AGO3: variants seen among roughly 807,000 people sequenced by gnomAD.
The protein encoded by AGO3 is protein argonaute-3.
AGO3 carries 16 observed loss-of-function variants against 105.5 expected under a neutral mutation model. That is an observed-to-expected ratio of 0.15 (90% CI 0.10 to 0.23). The LOEUF (loss-of-function observed/expected upper bound fraction) is 0.23, where lower values mean the gene tolerates loss of function less well. Among genes scored for constraint, AGO3 ranks in the 10% least tolerant of loss-of-function variants. The pLI is 1.00. For missense variants in AGO3, 534 were observed against 1,088.0 expected (o/e 0.49, Z 7.16); for synonymous variants, 340 against 367.3 (o/e 0.93, Z 0.85).
chr1:36,003,084 T>C (rs1026346452), intron 5 of AGO3, among the ~76,000 whole-genome samples: 1 of 150,600 alleles, frequency 6.6e-6, no homozygotes, highest in African/African-American at 2.4e-5. Context: ...AATAAATAAA[T>C]AGATAAATAG....
At position 35,967,027 on chromosome 1, in the gene AGO3, A is replaced by G; in HGVS notation, c.264A>G (p.Gly88=). 6.2e-7 allele frequency: 1 copy of G among 1,613,808 alleles called. No individual in the cohort carries two copies. Among genetic ancestry groups the G allele is most frequent in the Non-Finnish European group, 8.5e-7 (1 of 1,179,870 alleles). Residue 88 remains glycine, a synonymous_variant, in exon 3 of 19, where the codon GGA becomes GGG. Coordinates refer to ENST00000373191, the MANE Select transcript of AGO3 (RefSeq NM_024852.4). ...IFGDRRPVYD[G]KRSLYTANPL... ...GAGACCGTAGACCAGTTTATGATGG[A>G]AAAAGAAGTCTTTACACCGCCAATC...
In AGO3 at chr1:35,945,124, C is replaced by T. The variant is rs111793527; in HGVS notation, c.20-568C>T. ...GCCATGCTTGGCCTGAGATACTTAC[C>T]TTGTCAAATAATCAAATAATTGATT... On this transcript the variant is annotated intron_variant, in intron 1 of 18. Transcript: ENST00000373191. Among the ~76,000 whole-genome samples, 1,416 of 152,232 alleles carry T rather than the reference C, an allele frequency of 9.3e-3. 24 individuals are homozygous for T. The highest frequency in any genetic ancestry group is 0.032 in the African/African-American group (1,324 of 41,544).
rs1643120384 is a variant in AGO3, at chr1:36,068,315, A to G, written c.*12570A>G. 6.6e-6 allele frequency: 1 copy of G among 152,216 alleles called. No homozygotes were observed. The highest frequency in any genetic ancestry group is 1.5e-5 in the Non-Finnish European group (1 of 68,040). 9.4% of individuals were successfully genotyped at this position (152,216 alleles called of 1,614,324 possible). A position where few individuals can be genotyped will look rare whatever the true frequency, so the allele number is the denominator to read the frequency against. On this transcript the variant is annotated 3_prime_UTR_variant, in exon 19 of 19. Transcript: ENST00000373191. Reference sequence around the variant, plus strand: ...AATTTTTTGCTGGCTATAGAATGCTAATGTGAACAGAGTATATATCAGGAA... The same window carrying G: ...AATTTTTTGCTGGCTATAGAATGCTGATGTGAACAGAGTATATATCAGGAA...
At chr1:36,054,610 G>A (rs1358506222) in intron 17 of AGO3, among the ~76,000 whole-genome samples, 6 of 152,182 alleles carry the variant, frequency 3.9e-5, no homozygotes, top group Admixed American at 3.9e-4. Context: ...GCTCAGCACA[G>A]TAGCTCACGC....
At position 36,009,455 on chromosome 1, in the gene AGO3, A is replaced by G. The variant is rs1489844668; in HGVS notation, c.1030-20A>G. On this transcript the variant is annotated intron_variant, in intron 8 of 18. Transcript: ENST00000373191. ...AAAAAAGATATATACATGTAGTACAAAACTTTTTTCCATTTGTAGGTCTGT... is the reference window on the plus strand; with the variant it reads ...AAAAAAGATATATACATGTAGTACAGAACTTTTTTCCATTTGTAGGTCTGT... 1 of 1,601,572 alleles carries G rather than the reference A, an allele frequency of 6.2e-7. No homozygotes were observed. Among genetic ancestry groups the G allele is most frequent in the Non-Finnish European group, 8.5e-7 (1 of 1,176,136 alleles).
At chr1:36,014,330 G>T (rs1640773860) in intron 11 of AGO3, among the ~76,000 whole-genome samples, 1 of 151,706 alleles carries the variant, frequency 6.6e-6, no homozygotes, top group Admixed American at 6.6e-5. Context: ...AGCTAATTTT[G>T]TATTTTTAGT....
chr1:35,944,439 T>A (rs1456640670), intron 1 of AGO3, among the ~76,000 whole-genome samples: 2 of 152,130 alleles, frequency 1.3e-5, no homozygotes. Context: ...CAATGTAATG[T>A]CTTCAGTAGC....
At chr1:35,965,283 A>G (rs1646751793) in intron 2 of AGO3, among the ~76,000 whole-genome samples, 1 of 152,040 alleles carries the variant, frequency 6.6e-6, no homozygotes, top group Admixed American at 6.5e-5. Context: ...CCAGGTCAGG[A>G]GTTCGAGACC....
chr1:35,970,389 TA>T lies in AGO3; in HGVS notation c.313-1634del, dbSNP rs1646844019. On this transcript the variant is annotated intron_variant, in intron 3 of 18. Transcript: ENST00000373191. ...TTCTTCCTTTCCTCACTCCATTTCATATTTGTATCTTTCTTCTTTAGTTAGA... is the reference window on the plus strand; with the variant it reads ...TTCTTCCTTTCCTCACTCCATTTCATTTTGTATCTTTCTTCTTTAGTTAGA... Among the ~76,000 whole-genome samples, 3 of 152,210 alleles carry T rather than the reference TA, an allele frequency of 2.0e-5. No homozygotes were observed. The South Asian group carries it at 6.2e-4, about 31-fold the overall frequency.
intron 5 of AGO3, among the ~76,000 whole-genome samples, chr1:35,978,057 G>T (rs1344293479): frequency 6.6e-6 from 1 of 151,996 alleles, no homozygotes; most frequent in Non-Finnish European, 1.5e-5. Flanking sequence ...CCCAATTAAT[G>T]AATTACTGAA....
chr1:35,990,082 G>C (rs1207241103), intron 5 of AGO3, among the ~76,000 whole-genome samples: 1 of 152,172 alleles, frequency 6.6e-6, no homozygotes, highest in Non-Finnish European at 1.5e-5. Context: ...AAGTCACATA[G>C]TTTATATTTA....
chr1:35,967,091 C>T lies in AGO3; in HGVS notation c.312+16C>T. On this transcript the variant is annotated intron_variant, in intron 3 of 18. Transcript: ENST00000373191. ...AACTACAGGGGTAAGATATGCATTC[C>T]TGTATTGGAAAGGTATATTTTTGAA... The T allele has an allele frequency of 6.3e-7, 1 of 1,599,590 alleles. No individual in the cohort carries two copies.
rs550557301 is a variant in AGO3 at position 36,007,691 on chromosome 1, T to A, written c.794-999T>A. Among the ~76,000 whole-genome samples, 1,255 of 139,762 alleles carry A rather than the reference T, an allele frequency of 9.0e-3. 18 individuals are homozygous for A. Among genetic ancestry groups the A allele is most frequent in the African/African-American group, 0.031 (1,175 of 38,324 alleles). The allele number at this position is 139,762 out of a possible 152,430, so 91.7% of individuals were successfully genotyped here. A position where few individuals can be genotyped will look rare whatever the true frequency, so the allele number is the denominator to read the frequency against. ...GACCTGGGCAACAAGAGCAAAAAAC[T>A]AAAAAAAAAAAACCTAAATAAAATT... On this transcript the variant is annotated intron_variant, in intron 6 of 18. Coordinates refer to ENST00000373191, the MANE Select transcript of AGO3 (RefSeq NM_024852.4).
chr1:36,001,633 ATTG>A (rs1640091509), intron 5 of AGO3, among the ~76,000 whole-genome samples: 1 of 152,224 alleles, frequency 6.6e-6, no homozygotes, highest in Admixed American at 6.5e-5. Context: ...TCTAAGATGT[ATTG>A]TTAATTTTTA....
intron 5 of AGO3, among the ~76,000 whole-genome samples, chr1:35,991,774 T>A (rs964852263): frequency 1.3e-5 from 2 of 152,158 alleles, no homozygotes; most frequent in East Asian, 3.8e-4. Context: ...GTTTCACAGA[T>A]GCAGTATCCT....
chr1:35,997,998 C>T (rs561852621), intron 5 of AGO3, among the ~76,000 whole-genome samples: 1 of 152,226 alleles, frequency 6.6e-6, no homozygotes, highest in African/African-American at 2.4e-5. Flanking sequence ...ATAAATAAAT[C>T]TAATAAAAGA....
intron 1 of AGO3, among the ~76,000 whole-genome samples, chr1:35,935,396 C>G (rs1008442712): frequency 1.3e-5 from 2 of 152,178 alleles, no homozygotes; most frequent in Admixed American, 6.5e-5. Context: ...AAATTCTAAA[C>G]TAATCTGTTT....
intron 5 of AGO3, among the ~76,000 whole-genome samples, chr1:35,993,202 G>C (rs1406008827): frequency 6.6e-6 from 1 of 152,082 alleles, no homozygotes; most frequent in Admixed American, 6.5e-5. Context: ...TCAAAGGCTG[G>C]CTACCACAGT....
At position 36,016,871 on chromosome 1, in the gene AGO3, T is replaced by C. The variant is rs528551030; in HGVS notation, c.1406+2823T>C. 2.0e-5 allele frequency among the ~76,000 whole-genome samples: 3 copies of C among 152,330 alleles called. No individual in the cohort carries two copies. The East Asian group carries it at 5.8e-4, about 29-fold the overall frequency. ...CTCACGCTTAGCATGAGTGACTCCATTTTGGTTTGGTATGGTCTGTTGGGG... is the reference window on the plus strand; with the variant it reads ...CTCACGCTTAGCATGAGTGACTCCACTTTGGTTTGGTATGGTCTGTTGGGG... On this transcript the variant is annotated intron_variant, in intron 11 of 18. Coordinates refer to ENST00000373191, the MANE Select transcript of AGO3 (RefSeq NM_024852.4).
Sources: allele counts gnomAD v4.1 joint callset (sites outside exome capture counted in the v4.1 genomes callset), GRCh38; gene constraint gnomAD v4.1.1; transcripts MANE v1.5; gene names NCBI Gene and HGNC (gene_info 2026-07-23, HGNC 2026-07-21).